USP34: variants seen among roughly 807,000 people sequenced by gnomAD.
USP34 encodes ubiquitin specific peptidase 34.
In USP34, 70 loss-of-function variants were observed where a neutral mutation model predicts 460.3. That is an observed-to-expected ratio of 0.15 (90% CI 0.13 to 0.19). The LOEUF is 0.19. USP34 is among the 10% of genes least tolerant of loss of function. The pLI, the probability that USP34 is intolerant of heterozygous loss-of-function variation, is 1.00. For missense variants in USP34, 3,985 were observed against 4,236.2 expected (o/e 0.94, Z 1.65); for synonymous variants, 1,647 against 1,405.3 (o/e 1.17, Z -3.85).
At chr2:61,293,420 G>A (rs370632262) in intron 33 of USP34, 44 bp downstream of exon 33, 1 of 1,460,412 alleles carries the variant, frequency 6.8e-7, no homozygotes, top group East Asian at 2.3e-5. Context: ...TATTTCAAAT[G>A]GGATAACTAC....
intron 5 of USP34, among the ~76,000 whole-genome samples, chr2:61,389,391 T>C (rs565382938): frequency 6.6e-6 from 1 of 152,322 alleles, no homozygotes; most frequent in East Asian, 1.9e-4. Flanking sequence ...TTATACAAGA[T>C]ACATCAGAGG....
intron 1 of USP34, among the ~76,000 whole-genome samples, chr2:61,433,567 G>A (rs1042538398): frequency 1.3e-5 from 2 of 152,138 alleles, no homozygotes; most frequent in African/African-American, 4.8e-5. Flanking sequence ...CCAGGAGGCA[G>A]AGGTTGCAGT....
intron 1 of USP34, among the ~76,000 whole-genome samples, chr2:61,450,225 C>G (rs951214585): frequency 6.6e-6 from 1 of 152,052 alleles, no homozygotes; most frequent in Non-Finnish European, 1.5e-5. Context: ...ACGAAAGGTT[C>G]AGAATAGGCA....
intron 33 of USP34, among the ~76,000 whole-genome samples, chr2:61,289,227 G>C (rs1002100256): frequency 2.0e-5 from 3 of 151,836 alleles, no homozygotes; most frequent in African/African-American, 7.3e-5. Context: ...AAGATGACAA[G>C]GATATTACTT....
intron 13 of USP34, 30 bp downstream of exon 13, chr2:61,349,220 G>A (rs749656941): frequency 6.2e-7 from 1 of 1,604,952 alleles, no homozygotes; most frequent in Non-Finnish European, 8.5e-7. Flanking sequence ...ACTAAGTCAT[G>A]TTGCCATGAA....
intron 43 of USP34, 141 bp downstream of exon 43, chr2:61,265,256 C>A: frequency 1.2e-6 from 1 of 852,912 alleles, no homozygotes; most frequent in South Asian, 1.8e-5. Context: ...GTAAAATACA[C>A]ATTAGCTAGT....
intron 22 of USP34, among the ~76,000 whole-genome samples, 157 bp downstream of exon 22, chr2:61,319,016 C>T (rs1412339217): frequency 6.6e-6 from 1 of 150,940 alleles, no homozygotes; most frequent in Non-Finnish European, 1.5e-5. Flanking sequence ...AATTAGAGCA[C>T]AATCTGACCA....
intron 15 of USP34, among the ~76,000 whole-genome samples, chr2:61,346,861 G>T (rs767313953): frequency 1.9e-4 from 28 of 146,516 alleles, no homozygotes; most frequent in African/African-American, 6.3e-4. Context: ...AAAAAGGCCG[G>T]GCCTGGTGGC....
At chr2:61,436,488 C>T (rs1242168482) in intron 1 of USP34, among the ~76,000 whole-genome samples, 3 of 152,138 alleles carry the variant, frequency 2.0e-5, no homozygotes, top group African/African-American at 7.2e-5. Flanking sequence ...ATAAAGGCAT[C>T]AATTCAGTAA....
At chr2:61,300,040 G>A (rs1481381981) in intron 29 of USP34, among the ~76,000 whole-genome samples, 2 of 152,074 alleles carry the variant, frequency 1.3e-5, no homozygotes, top group Non-Finnish European at 2.9e-5. Flanking sequence ...ACCTGTTGTC[G>A]ATTTATTTCC....
At chr2:61,428,182 CTT>C (rs1694566085) in intron 1 of USP34, among the ~76,000 whole-genome samples, 1 of 140,574 alleles carries the variant, frequency 7.1e-6, no homozygotes, top group Non-Finnish European at 1.5e-5. Flanking sequence ...AAAAAAAAAA[CTT>C]CCAAATCTTA....
chr2:61,454,859 GTTTTTTTTTTCTT>G (rs1695387277), intron 1 of USP34, among the ~76,000 whole-genome samples: 1 of 84,660 alleles, frequency 1.2e-5, no homozygotes, highest in Non-Finnish European at 2.4e-5. Flanking sequence ...ATATAGTGGG[GTTTTTTTTTTCTT>G]TTTTTTTTTT....
chr2:61,384,979 G>C (rs972436176), intron 5 of USP34, among the ~76,000 whole-genome samples: 19 of 152,068 alleles, frequency 1.2e-4, no homozygotes, highest in Non-Finnish European at 2.4e-4. Flanking sequence ...ATAATTATCA[G>C]ATAAACACTG....
In USP34 at chr2:61,236,500, A is replaced by T. The variant is rs1162005495; in HGVS notation, c.6778-111T>A. 3 of 755,056 alleles carry T rather than the reference A, an allele frequency of 4.0e-6. No homozygotes were observed. In the African/African-American group the frequency reaches 5.4e-5, roughly 13 times the overall value. The allele number at this position is 755,056 out of a possible 1,614,324, so 46.8% of individuals were successfully genotyped here. ...CTAAAAAACCACAAAATAAAATAAA[A>T]TCCATGCACTTTAAGTTCATTTTGA... is the stretch of plus-strand genomic sequence containing the variant. On this transcript the variant is annotated intron_variant, in intron 53 of 79. Coordinates refer to ENST00000398571, the MANE Select transcript of USP34 (RefSeq NM_014709.4).
chr2:61,323,021 T>G (rs1354722888), intron 21 of USP34, among the ~76,000 whole-genome samples: 1 of 152,198 alleles, frequency 6.6e-6, no homozygotes, highest in African/African-American at 2.4e-5. Flanking sequence ...ATTAAAATAT[T>G]GGATGTAATT....
At chr2:61,420,989 T>C (rs769358221) in intron 1 of USP34, among the ~76,000 whole-genome samples, 156 bp from the exon 2 acceptor site, 18 of 151,988 alleles carry the variant, frequency 1.2e-4, no homozygotes, top group African/African-American at 2.4e-4. Context: ...TAATAACTCA[T>C]ATGGACTTAA....
At chr2:61,432,849 T>C (rs1694715746) in intron 1 of USP34, among the ~76,000 whole-genome samples, 1 of 152,002 alleles carries the variant, frequency 6.6e-6, no homozygotes, top group Non-Finnish European at 1.5e-5. Context: ...TCTAAAACTT[T>C]CTACAATGAC....
intron 3 of USP34, among the ~76,000 whole-genome samples, chr2:61,399,241 C>T (rs1693635740): frequency 6.6e-6 from 1 of 151,642 alleles, no homozygotes; most frequent in East Asian, 1.9e-4. Flanking sequence ...CAGGAGGTTT[C>T]AGCCTCCTGA....
chr2:61,304,316 T>C (rs917437101), intron 27 of USP34, among the ~76,000 whole-genome samples: 2 of 152,246 alleles, frequency 1.3e-5, no homozygotes, highest in African/African-American at 2.4e-5. Context: ...AAAGCATGCA[T>C]AACTTTGTTC....
Sources: gnomAD v4.1 joint callset for allele counts (sites outside exome capture counted in the v4.1 genomes callset) on GRCh38, gnomAD v4.1.1 for gene constraint, MANE v1.5 for transcripts, NCBI Gene and HGNC (gene_info 2026-07-23, HGNC 2026-07-21) for gene names.